The following SLC45A4 variants were observed in gnomAD, a reference collection of about 807,000 sequenced individuals.
SLC45A4 encodes the protein solute carrier family 45 member 4.
Under a neutral mutation model 63.7 loss-of-function variants are expected in SLC45A4, and 32 were observed. That is an observed-to-expected ratio of 0.50 (90% confidence interval 0.38 to 0.67). SLC45A4 has a LOEUF of 0.67. Ranked by LOEUF, SLC45A4 falls within the 30% of genes least tolerant of loss-of-function variation. The pLI is 0.00. For missense variants in SLC45A4, 1,027 were observed against 1,157.7 expected, an observed-to-expected ratio of 0.89 and a Z score of 1.64; for synonymous variants, 535 against 510.0, an observed-to-expected ratio of 1.05 and a Z score of -0.66.
intron 2 of SLC45A4, among the ~76,000 whole-genome samples, chr8:141,245,132 T>C (rs567043351): frequency 1.3e-5 from 2 of 152,202 alleles, no homozygotes; most frequent in East Asian, 1.9e-4. Flanking sequence ...ATGACAGTAA[T>C]AACAGCTAAC....
chr8:141,221,814 T>C (rs367840502), intron 2 of SLC45A4, 49 bp from the exon 3 acceptor site: 22 of 1,585,820 alleles, frequency 1.4e-5, no homozygotes, highest in Non-Finnish European at 1.6e-5. Flanking sequence ...GGCCGGGCTC[T>C]GCCACAGTTT....
intron 2 of SLC45A4, among the ~76,000 whole-genome samples, chr8:141,222,348 A>G (rs376025688): frequency 2.0e-5 from 3 of 152,306 alleles, no homozygotes; most frequent in African/African-American, 7.2e-5. Flanking sequence ...GTGGCCACTG[A>G]GTGGGGGCAG....
chr8:141,238,567 T>C lies in SLC45A4; in HGVS notation c.241+15422A>G, dbSNP rs552518534. ...CCTCCTATGAGTGGAATCACACAGCTTTTCACCGAGTCTATCCAGCTGTGG... is the reference window on the plus strand; with the variant it reads ...CCTCCTATGAGTGGAATCACACAGCCTTTCACCGAGTCTATCCAGCTGTGG... On this transcript the variant is annotated intron_variant, in intron 2 of 8. Coordinates refer to ENST00000517878, the MANE Select transcript of SLC45A4 (RefSeq NM_001286646.2). Among the ~76,000 whole-genome samples the C allele has an allele frequency of 3.3e-5, 5 of 152,180 alleles. No individual in the cohort carries two copies. The East Asian group carries it at 5.8e-4, about 18-fold the overall frequency.
intron 1 of SLC45A4, among the ~76,000 whole-genome samples, chr8:141,255,540 A>T (rs910664647): frequency 6.6e-6 from 1 of 152,190 alleles, no homozygotes; most frequent in African/African-American, 2.4e-5. Flanking sequence ...ACATGGCGAA[A>T]GCCCATCTCT....
At chr8:141,221,051 G>A (rs565398097) in intron 3 of SLC45A4, among the ~76,000 whole-genome samples, 8 of 152,376 alleles carry the variant, frequency 5.3e-5, no homozygotes, top group South Asian at 2.1e-4. Context: ...GTGCAGGCCC[G>A]GGGCAAGTTC....
In SLC45A4 at chr8:141,215,729, G is replaced by C; in HGVS notation, c.1941+30C>G. On this transcript the variant is annotated intron_variant, in intron 7 of 8. Transcript: ENST00000517878. This position sits in a 1 kb window ranked among gnomAD's most constrained non-coding sequence, Gnocchi z 4.3. ...GAGGGAAGGCACTCAGGAGGCTGGA[G>C]CGCAGATCTCAGGGCTACGGTGGAC... is the stretch of plus-strand genomic sequence containing the variant. 2 of 1,606,850 alleles carry C rather than the reference G, an allele frequency of 1.2e-6. No homozygotes were observed. The highest frequency in any genetic ancestry group is 1.7e-4 in the Middle Eastern group (1 of 5,986).
chr8:141,238,930 C>G (rs6981564), intron 2 of SLC45A4, among the ~76,000 whole-genome samples: 135,483 of 152,166 alleles, frequency 0.89, 60,477 homozygotes, highest in East Asian at 1. Context: ...ACCCCAGTGC[C>G]AGGTACTCTT....
chr8:141,222,962 C>T (rs868033312), intron 2 of SLC45A4, among the ~76,000 whole-genome samples: 5 of 152,324 alleles, frequency 3.3e-5, no homozygotes, highest in Middle Eastern at 3.4e-3. Context: ...CCATACTATA[C>T]GTCAGTAAAA....
chr8:141,218,061 C>T lies in SLC45A4; in HGVS notation c.1579G>A (p.Val527Met), dbSNP rs374269303. The change falls in exon 5 of 9, where the codon GTG becomes ATG. Residue 527 changes from valine (V) to methionine (M), a missense_variant. By Grantham distance (21) the Val-to-Met change is conservative. Coordinates refer to ENST00000517878, the MANE Select transcript of SLC45A4 (RefSeq NM_001286646.2). The part of the protein sequence containing the change: ...LTWFSVIAEA[V>M]FYTDFMGQVI... ...TGGCCCATGAAGTCGGTGTAGAACA[C>T]GGCCTCGGCGATGACAGAGAACCAG... 6.3e-5 allele frequency: 102 copies of T among 1,612,468 alleles called. No individual in the cohort carries two copies. The highest frequency in any genetic ancestry group is 7.4e-5 in the Non-Finnish European group (87 of 1,179,890).
At chr8:141,267,721 G>A (rs1055239981) in intron 1 of SLC45A4, among the ~76,000 whole-genome samples, 2 of 149,068 alleles carry the variant, frequency 1.3e-5, no homozygotes. Context: ...CATATGGAAA[G>A]ATACTCCACA....
chr8:141,211,552 A>AAAG lies in SLC45A4; in HGVS notation c.*17_*19dup. The AAAG allele has an allele frequency of 6.2e-7, 1 of 1,613,426 alleles. No homozygotes were observed. Among genetic ancestry groups the AAAG allele is most frequent in the South Asian group, 1.1e-5 (1 of 91,042 alleles). On this transcript the variant is annotated 3_prime_UTR_variant, in exon 9 of 9. Coordinates refer to ENST00000517878, the MANE Select transcript of SLC45A4 (RefSeq NM_001286646.2). ...CACAATGTGTCCAACTCGCTGAGGA[A>AAAG]AAGAAGATACGTCATTCTTCTAAGA...
intron 1 of SLC45A4, among the ~76,000 whole-genome samples, chr8:141,300,814 G>A (rs552873156): frequency 2.0e-5 from 3 of 152,348 alleles, no homozygotes; most frequent in South Asian, 2.1e-4. Flanking sequence ...GTGCTTACTC[G>A]TGAAATGGTT....
chr8:141,287,428 A>C (rs1830189237), intron 1 of SLC45A4, among the ~76,000 whole-genome samples: 1 of 152,184 alleles, frequency 6.6e-6, no homozygotes, highest in Non-Finnish European at 1.5e-5. Flanking sequence ...CACGGAGCGC[A>C]GACTGTGCCC....
intron 2 of SLC45A4, among the ~76,000 whole-genome samples, chr8:141,245,472 G>T (rs1430620599): frequency 1.3e-5 from 2 of 152,178 alleles, no homozygotes; most frequent in African/African-American, 4.8e-5. Flanking sequence ...CACGTCTTCT[G>T]TCCAGGGTTC....
At chr8:141,230,853 G>A in intron 2 of SLC45A4, among the ~76,000 whole-genome samples, 1 of 152,370 alleles carries the variant, frequency 6.6e-6, no homozygotes, top group East Asian at 1.9e-4. Flanking sequence ...GCCAAATTGG[G>A]AACGTGGCAC....
At chr8:141,287,350 G>A (rs952194189) in intron 1 of SLC45A4, among the ~76,000 whole-genome samples, 1 of 152,218 alleles carries the variant, frequency 6.6e-6, no homozygotes, top group Non-Finnish European at 1.5e-5. Context: ...CTGCTCTGAT[G>A]CTCTGATAGG....
rs576940370 is a variant in SLC45A4 at position 141,218,954 on chromosome 8, G to T, written c.686C>A (p.Thr229Asn). The T allele has an allele frequency of 1.2e-6, 2 of 1,613,654 alleles. No homozygotes were observed. The highest frequency in any genetic ancestry group is 4.5e-5 in the East Asian group (2 of 44,872). Residue 229 changes from threonine to asparagine, a missense_variant, in exon 5 of 9, where the codon ACC becomes AAC. Coordinates refer to ENST00000517878, the MANE Select transcript of SLC45A4 (RefSeq NM_001286646.2). Reference sequence around the variant, plus strand: ...AAAGAAGAAGAGCACCTGGTTCTGGGTCCGGAACCAGCTGCCCAGGAAGGT... The same window carrying T: ...AAAGAAGAAGAGCACCTGGTTCTGGTTCCGGAACCAGCTGCCCAGGAAGGT... ...TQTFLGSWFR[T>N]QNQVLFFFAA...
chr8:141,247,432 T>A (rs1444245495), intron 2 of SLC45A4, among the ~76,000 whole-genome samples: 1 of 152,248 alleles, frequency 6.6e-6, no homozygotes, highest in Non-Finnish European at 1.5e-5. Context: ...ATATATTATG[T>A]TCATGGATCG....
rs558388444 is a variant in SLC45A4, at chr8:141,271,413, T to C, written c.-400-16784A>G. On this transcript the variant is annotated intron_variant, in intron 1 of 8. Transcript: ENST00000517878. ...ACAGCTGTGGGATCCTACCAGGAAC[T>C]CCCAGGGCCTGTGGGGCAGGGCACA... is the stretch of plus-strand genomic sequence containing the variant. 9.8e-5 allele frequency among the ~76,000 whole-genome samples: 15 copies of C among 152,304 alleles called. No homozygotes were observed. In the East Asian group the frequency reaches 2.3e-3, roughly 24 times the overall value.
Sources: allele counts gnomAD v4.1 joint callset (sites outside exome capture counted in the v4.1 genomes callset), GRCh38; gene constraint gnomAD v4.1.1; non-coding constraint Gnocchi (gnomAD v3.1); transcripts MANE v1.5; gene names NCBI Gene and HGNC (gene_info 2026-07-23, HGNC 2026-07-21).